Variants in PIR observed in about 807,000 individuals in gnomAD.
The protein encoded by PIR is pirin (iron-binding nuclear protein).
A neutral mutation model predicts 24.2 loss-of-function variants in PIR; 22 were observed. The ratio of observed to expected loss-of-function variants is 0.91; its 90% CI spans 0.65 to 1.30. PIR has a LOEUF of 1.30. Among genes scored for constraint, PIR ranks in the 50% most tolerant of loss-of-function variants. The pLI is 0.00. For synonymous variants in PIR, 80 were observed against 79.6 expected (o/e 1.00, Z -0.03); for missense variants, 220 against 220.3 (o/e 1.00, Z 0.01).
chrX:15,401,644 C>G (rs757217832), intron 7 of PIR, among the ~76,000 whole-genome samples: 16 of 111,985 alleles, frequency 1.4e-4, no homozygotes, highest in African/African-American at 5.2e-4. Flanking sequence ...CTGGGAATCA[C>G]TGCCAAGAAT....
At position 15,473,930 on chromosome X, in the gene PIR, C is replaced by T. The variant is rs751483172; in HGVS notation, c.189+5799G>A. On this transcript the variant is annotated intron_variant, in intron 3 of 9. Transcript: ENST00000380420. ...GCCTTTCTTCTTACTTTGGATTTTT[C>T]CCATAAATAGAGTCATAGAAGTAGG... Among the ~76,000 whole-genome samples, 135 of 112,415 alleles carry T rather than the reference C, an allele frequency of 1.2e-3. 1 individual carries two copies. Among genetic ancestry groups the T allele is most frequent in the African/African-American group, 4.1e-3 (127 of 30,939 alleles).
rs746919887 is a variant in PIR at position 15,477,443 on chromosome X, CTTTGT to C, written c.189+2281_189+2285del. ...TTTTGCTCAGTTGATCAATACATGA[CTTTGT>C]TTTATGTTTATTTCTCTTTAAAGAC... On this transcript the variant is annotated intron_variant, in intron 3 of 9. Coordinates refer to ENST00000380420, the MANE Select transcript of PIR (RefSeq NM_001018109.3). 3.5e-3 allele frequency among the ~76,000 whole-genome samples: 390 copies of C among 112,019 alleles called. 1 individual carries two copies. Among genetic ancestry groups the C allele is most frequent in the African/African-American group, 0.012 (366 of 30,904 alleles).
intron 3 of PIR, among the ~76,000 whole-genome samples, chrX:15,463,973 T>A (rs1007230985): frequency 8.9e-6 from 1 of 112,570 alleles, no homozygotes; most frequent in African/African-American, 3.2e-5. Context: ...CAATATTTAC[T>A]GCAATAGCAA....
chrX:15,413,329 T>C (rs756508906), intron 6 of PIR, among the ~76,000 whole-genome samples: 3 of 111,449 alleles, frequency 2.7e-5, no homozygotes, highest in Non-Finnish European at 5.6e-5. Flanking sequence ...AGCCAATTAG[T>C]CTCTTCGACT....
intron 2 of PIR, among the ~76,000 whole-genome samples, chrX:15,480,935 G>A (rs1922469110): frequency 8.9e-6 from 1 of 112,098 alleles, no homozygotes; most frequent in South Asian, 3.7e-4. Flanking sequence ...AGAATATCTA[G>A]AAGGTTATCT....
At chrX:15,460,784 C>T (rs908498908) in intron 3 of PIR, among the ~76,000 whole-genome samples, 10 of 111,105 alleles carry the variant, frequency 9.0e-5, no homozygotes, top group African/African-American at 1.3e-4. Context: ...TGTATACATA[C>T]ATCAAATCAT....
intron 6 of PIR, among the ~76,000 whole-genome samples, chrX:15,415,133 AG>A (rs1924871729): frequency 9.0e-6 from 1 of 111,621 alleles, no homozygotes; most frequent in South Asian, 3.8e-4. Context: ...GGCAGTTAAG[AG>A]TCCTAGCAGA....
In PIR at chrX:15,386,700, T is replaced by A. The variant is rs5980153; in HGVS notation, c.761-1584A>T. The stretch of plus-strand genomic sequence containing the variant: ...GGAGGAAAGGCATGTTCAGGCTTAG[T>A]ATGCTGGAGGAATACTGGAGGGGAT... On this transcript the variant is annotated intron_variant, in intron 9 of 9. Coordinates refer to ENST00000380420, the MANE Select transcript of PIR (RefSeq NM_001018109.3). 2.9e-3 allele frequency among the ~76,000 whole-genome samples: 319 copies of A among 110,954 alleles called. 1 individual carries two copies. Among genetic ancestry groups the A allele is most frequent in the African/African-American group, 9.7e-3 (297 of 30,534 alleles).
chrX:15,420,029 G>A (rs1602257556), intron 6 of PIR, among the ~76,000 whole-genome samples: 1 of 110,025 alleles, frequency 9.1e-6, no homozygotes, highest in Non-Finnish European at 1.9e-5. Context: ...AAACCCCGTC[G>A]CTACTAAAAA....
At chrX:15,421,206 G>T (rs976508304) in intron 6 of PIR, among the ~76,000 whole-genome samples, 1 of 111,765 alleles carries the variant, frequency 8.9e-6, no homozygotes, top group Non-Finnish European at 1.9e-5. Flanking sequence ...GATAGTGAAG[G>T]CTTATGTTTA....
rs201631900 is a variant in PIR, at chrX:15,430,227, C to CT, written c.481-4238dup. Among the ~76,000 whole-genome samples the CT allele has an allele frequency of 5.5e-5, 6 of 110,032 alleles. No homozygotes were observed. The East Asian group carries it at 1.4e-3, about 26-fold the overall frequency. On this transcript the variant is annotated intron_variant, in intron 5 of 9. Transcript: ENST00000380420. ...CTATTAGTGAATTTGTTTTTTTTTC[C>CT]TTTTTTTTCTGTTTCAGTTCTGATT...
chrX:15,489,713 T>C (rs1442630769), intron 2 of PIR, among the ~76,000 whole-genome samples: 3 of 112,205 alleles, frequency 2.7e-5, no homozygotes, highest in Non-Finnish European at 5.6e-5. Flanking sequence ...AACAGGAAGC[T>C]AACTGGAAAG....
intron 3 of PIR, among the ~76,000 whole-genome samples, chrX:15,461,616 A>C (rs1457579416): frequency 1.8e-5 from 2 of 111,498 alleles, no homozygotes; most frequent in African/African-American, 3.3e-5. Context: ...CCCTGTCTCT[A>C]CTAAAACTAC....
At chrX:15,456,077 A>T (rs1211181161) in intron 4 of PIR, 23 bp from the exon 5 acceptor site, 2 of 1,168,335 alleles carry the variant, frequency 1.7e-6, no homozygotes, top group African/African-American at 3.5e-5. Context: ...AACCAACAAG[A>T]GGGAAATGTA....
At chrX:15,440,276 A>AT (rs148696559) in intron 5 of PIR, among the ~76,000 whole-genome samples, 2 of 110,469 alleles carry the variant, frequency 1.8e-5, no homozygotes, top group African/African-American at 3.3e-5. Flanking sequence ...TTTATTCCTC[A>AT]TTTTTTTCCT....
At chrX:15,481,607 T>A (rs920031123) in intron 2 of PIR, among the ~76,000 whole-genome samples, 5 of 111,988 alleles carry the variant, frequency 4.5e-5, no homozygotes, top group Non-Finnish European at 9.4e-5. Context: ...TCTAGCTAAC[T>A]TGTATTTTTA....
At chrX:15,428,590 G>A (rs1409933750) in intron 5 of PIR, among the ~76,000 whole-genome samples, 3 of 112,117 alleles carry the variant, frequency 2.7e-5, no homozygotes, top group Non-Finnish European at 5.6e-5. Flanking sequence ...TGAACTGGAA[G>A]TCAGGAGTCT....
chrX:15,396,498 C>G (rs1302215955), intron 8 of PIR, among the ~76,000 whole-genome samples: 1 of 111,451 alleles, frequency 9.0e-6, no homozygotes, highest in Non-Finnish European at 1.9e-5. Context: ...AGCTTTTGCA[C>G]AATTTTCTCC....
chrX:15,491,322 C>CA lies in PIR; in HGVS notation c.-52-14dup. 5 of 664,825 alleles carry CA rather than the reference C, an allele frequency of 7.5e-6. No homozygotes were observed. The highest frequency in any genetic ancestry group is 6.7e-6 in the Non-Finnish European group (3 of 444,786). 54.8% of individuals were successfully genotyped at this position (664,825 alleles called of 1,213,427 possible). On this transcript the variant is annotated splice_polypyrimidine_tract_variant and intron_variant, in intron 1 of 9. Transcript: ENST00000380420. ...AGAGGATGGAGGGCTAAAGGAAGGA[C>CA]AACAAAAAAAAAAGAAGTCATAAAG...
Sources: allele counts gnomAD v4.1 joint callset (sites outside exome capture counted in the v4.1 genomes callset), GRCh38; gene constraint gnomAD v4.1.1; transcripts MANE v1.5; gene names NCBI Gene and HGNC (gene_info 2026-07-23, HGNC 2026-07-21).